Variants in POLR2F observed in about 807,000 individuals in gnomAD.
The protein encoded by POLR2F is RNA polymerase II, I and III subunit F.
POLR2F carries 12 observed loss-of-function variants against 22.7 expected under a neutral mutation model. That is an observed-to-expected ratio of 0.53 (90% CI 0.34 to 0.86). The LOEUF is 0.86. Ranked by LOEUF, POLR2F falls within the 40% of genes least tolerant of loss-of-function variation. The probability of loss-of-function intolerance (pLI) is 0.02; values close to 1 mark genes in which losing one functional copy is unlikely to be tolerated. For synonymous variants in POLR2F, 57 were observed against 66.0 expected, an observed-to-expected ratio of 0.86 and a Z score of 0.66; for missense variants, 126 against 171.5, an observed-to-expected ratio of 0.73 and a Z score of 1.48.
In POLR2F at chr22:37,967,875, G is replaced by C; in HGVS notation, c.*160G>C. Reference sequence around the variant, plus strand: ...GTTACCGCCATGCTGCGTGGAGCATGCACCTATTCCAGTGGCCCTGTGACT... The same window carrying C: ...GTTACCGCCATGCTGCGTGGAGCATCCACCTATTCCAGTGGCCCTGTGACT... On this transcript the variant is annotated 3_prime_UTR_variant, in exon 5 of 5. Coordinates refer to ENST00000442738, the MANE Select transcript of POLR2F (RefSeq NM_021974.5). The C allele has an allele frequency of 7.2e-7, 1 of 1,386,960 alleles. No homozygotes were observed. Among genetic ancestry groups the C allele is most frequent in the Non-Finnish European group, 9.3e-7 (1 of 1,073,916 alleles). The allele number at this position is 1,386,960 out of a possible 1,614,324, so 85.9% of individuals were successfully genotyped here.
rs144204165 is a variant in POLR2F at position 38,040,969 on chromosome 22, C to T, written c.453-99C>T. ...GAGAGAATAATGATGACAACAGTGACGTTGATCAAAGGCTGAAGTTCTTCA... is the reference window on the plus strand; with the variant it reads ...GAGAGAATAATGATGACAACAGTGATGTTGATCAAAGGCTGAAGTTCTTCA... On this transcript the variant is annotated intron_variant, in intron 5 of 5. Coordinates refer to the POLR2F transcript ENST00000407936. 118 of 1,577,144 alleles carry T rather than the reference C, an allele frequency of 7.5e-5. No homozygotes were observed. The African/African-American group carries it at 1.1e-3, about 14-fold the overall frequency.
chr22:38,013,457 C>A (rs768311422), intron 1 of POLR2F, among the ~76,000 whole-genome samples: 4 of 152,198 alleles, frequency 2.6e-5, no homozygotes, highest in Non-Finnish European at 5.9e-5. Context: ...GTTGTGACTT[C>A]TTTCTTAAGC....
chr22:37,968,307 G>A lies in POLR2F; in HGVS notation c.*592G>A, dbSNP rs1334790416. 6 of 985,770 alleles carry A rather than the reference G, an allele frequency of 6.1e-6. No individual in the cohort carries two copies. The highest frequency in any genetic ancestry group is 6.0e-6 in the Non-Finnish European group (5 of 830,166). 61.1% of individuals were successfully genotyped at this position (985,770 alleles called of 1,614,324 possible). On this transcript the variant is annotated 3_prime_UTR_variant, in exon 5 of 5. Transcript: ENST00000442738. Reference sequence around the variant, plus strand: ...CAAGTCAGCAGCTGGAGCAAGGACCGAGCACCTGCCTACCCCTGCCCCCAT... The same window carrying A: ...CAAGTCAGCAGCTGGAGCAAGGACCAAGCACCTGCCTACCCCTGCCCCCAT...
chr22:38,031,953 T>G lies in POLR2F; in HGVS notation c.453-9115T>G, dbSNP rs1454275112. ...CATTCTAGTCCCCTCTGTCTTGGCCTCTGTTTTGGTCTGAAGTCTGGAGAT... is the reference window on the plus strand; with the variant it reads ...CATTCTAGTCCCCTCTGTCTTGGCCGCTGTTTTGGTCTGAAGTCTGGAGAT... On this transcript the variant is annotated intron_variant, in intron 5 of 5. Transcript: ENST00000407936. The surrounding 1 kb of genome is among the most constrained non-coding windows in gnomAD (Gnocchi z 4.1). 6.6e-6 allele frequency among the ~76,000 whole-genome samples: 1 copy of G among 152,146 alleles called. No individual in the cohort carries two copies. The highest frequency in any genetic ancestry group is 1.5e-5 in the Non-Finnish European group (1 of 68,022).
Position 38,040,300 on chromosome 22 carries a change from A to AAAG in POLR2F, c.453-766_453-765insGAA, listed in dbSNP as rs1268191812. On this transcript the variant is annotated intron_variant, in intron 5 of 5. Coordinates refer to the POLR2F transcript ENST00000407936. ...CCTGTCTCAAAAAAAAAAAAAAAAA[A>AAAG]AAAAAGAAATTGAGAAAAGGGTAGG... 15 of 152,146 alleles carry AAAG rather than the reference A, an allele frequency of 9.9e-5. No individual in the cohort carries two copies. In the East Asian group the frequency reaches 2.9e-3, roughly 29 times the overall value. The allele number at this position is 152,146 out of a possible 1,614,324, so 9.4% of individuals were successfully genotyped here.
intron 4 of POLR2F, 177 bp from the exon 5 acceptor site, chr22:37,967,448 G>C: frequency 7.0e-7 from 1 of 1,435,296 alleles, no homozygotes; most frequent in Non-Finnish European, 9.1e-7. Flanking sequence ...TCCCCCTCTT[G>C]TCTGATATAA....
chr22:38,014,818 T>A (rs1233668352), intron 1 of POLR2F, among the ~76,000 whole-genome samples: 1 of 146,280 alleles, frequency 6.8e-6, no homozygotes, highest in African/African-American at 2.5e-5. Context: ...TTTTTTTTTT[T>A]TTTTTTTGAG....
upstream of POLR2F, among the ~76,000 whole-genome samples, chr22:37,984,786 G>T (rs992514773): frequency 6.6e-6 from 1 of 152,160 alleles, no homozygotes; most frequent in Non-Finnish European, 1.5e-5. This position sits in a 1 kb window ranked among gnomAD's most constrained non-coding sequence, Gnocchi z 4.4. Flanking sequence ...GGGAGGTTAG[G>T]CCGAGGAAGG....
intron 3 of POLR2F, among the ~76,000 whole-genome samples, chr22:37,961,414 G>GC (rs1931636933): frequency 6.6e-6 from 1 of 152,168 alleles, no homozygotes. Context: ...AGAGTGGGGG[G>GC]CCCTCCAGCT....
chr22:38,015,274 G>A (rs1175116880), intron 1 of POLR2F, among the ~76,000 whole-genome samples: 1 of 152,232 alleles, frequency 6.6e-6, no homozygotes, highest in Non-Finnish European at 1.5e-5. Context: ...AGGGGCCTGA[G>A]GCTCCAGCTG....
downstream of POLR2F, among the ~76,000 whole-genome samples, chr22:38,028,358 C>A (rs1022087652): frequency 1.3e-5 from 2 of 152,006 alleles, no homozygotes; most frequent in African/African-American, 4.8e-5. Flanking sequence ...TTCTCACAGC[C>A]CCACATGGTC....
chr22:38,011,899 T>C (rs1322128084), intron 1 of POLR2F, among the ~76,000 whole-genome samples: 1 of 152,072 alleles, frequency 6.6e-6, no homozygotes, highest in Non-Finnish European at 1.5e-5. Context: ...TCCATGAATG[T>C]GGCATAGCTC....
intron 1 of POLR2F, among the ~76,000 whole-genome samples, chr22:37,990,560 CTG>C (rs1428212520): frequency 6.6e-6 from 1 of 152,264 alleles, no homozygotes; most frequent in Non-Finnish European, 1.5e-5. Context: ...GGGCCAGGAG[CTG>C]GGACTGGGAG....
chr22:37,988,541 C>T (rs983177511), intron 1 of POLR2F, among the ~76,000 whole-genome samples: 4 of 151,906 alleles, frequency 2.6e-5, no homozygotes, highest in East Asian at 3.9e-4. Context: ...ATCCCAGCTA[C>T]GTGGGAGCCT....
intron 1 of POLR2F, among the ~76,000 whole-genome samples, chr22:38,009,260 C>T (rs1178788632): frequency 6.6e-6 from 1 of 152,196 alleles, no homozygotes; most frequent in Non-Finnish European, 1.5e-5. Flanking sequence ...AGGGTTTCAG[C>T]AGAGCAGAGA....
chr22:37,956,620 T>C (rs1461248742), intron 1 of POLR2F, among the ~76,000 whole-genome samples, 153 bp from the exon 2 acceptor site: 2 of 152,188 alleles, frequency 1.3e-5, no homozygotes, highest in African/African-American at 4.8e-5. Context: ...TTTTGCCTTG[T>C]TGGCCAGGCT....
chr22:37,964,141 C>A (rs895968199), intron 3 of POLR2F, among the ~76,000 whole-genome samples: 7 of 151,770 alleles, frequency 4.6e-5, no homozygotes, highest in Non-Finnish European at 8.8e-5. Context: ...AATCCCCAGT[C>A]CTCCAGGTGT....
chr22:37,967,913 A>G lies in POLR2F; in HGVS notation c.*198A>G, dbSNP rs1931922947. 6.1e-6 allele frequency: 8 copies of G among 1,308,702 alleles called. No homozygotes were observed. Among genetic ancestry groups the G allele is most frequent in the Non-Finnish European group, 7.8e-6 (8 of 1,029,724 alleles). 81.1% of individuals were successfully genotyped at this position (1,308,702 alleles called of 1,614,324 possible). A position where few individuals can be genotyped will look rare whatever the true frequency, so the allele number is the denominator to read the frequency against. On this transcript the variant is annotated 3_prime_UTR_variant, in exon 5 of 5. Coordinates refer to ENST00000442738, the MANE Select transcript of POLR2F (RefSeq NM_021974.5). ...TGGCCCTGTGACTGTCAGCTCCTTA[A>G]GAAGCACCAGGGGCCCTTAGCCCCT...
intron 1 of POLR2F, chr22:37,987,560 A>G: frequency 2.9e-6 from 1 of 345,552 alleles, no homozygotes; most frequent in South Asian, 2.3e-5. Context: ...CCTGAAGGAT[A>G]CACTGAGATG....
Sources: gnomAD v4.1 joint callset for allele counts (sites outside exome capture counted in the v4.1 genomes callset) on GRCh38, gnomAD v4.1.1 for gene constraint, Gnocchi (gnomAD v3.1) non-coding constraint, MANE v1.5 for transcripts, NCBI Gene and HGNC (gene_info 2026-07-23, HGNC 2026-07-21) for gene names.